CHST9: variants seen among roughly 807,000 people sequenced by gnomAD.
CHST9 encodes GalNAc-4-sulfotransferase 2.
A neutral mutation model predicts 44.4 loss-of-function variants in CHST9; 41 were observed. The ratio of observed to expected loss-of-function variants is 0.92; its 90% CI spans 0.72 to 1.20. CHST9 has a LOEUF of 1.20. Ranked by LOEUF, CHST9 falls within the 50% of genes most tolerant of loss-of-function variation. CHST9 has a pLI of 0.00. For synonymous variants in CHST9, 171 were observed against 178.4 expected, an observed-to-expected ratio of 0.96 and a Z score of 0.33; for missense variants, 504 against 516.5, an observed-to-expected ratio of 0.98 and a Z score of 0.23.
chr18:26,973,357 A>C (rs1366891088), intron 4 of CHST9, among the ~76,000 whole-genome samples: 1 of 152,200 alleles, frequency 6.6e-6, no homozygotes, highest in African/African-American at 2.4e-5. Context: ...TGCATGAAAA[A>C]AATGAATGAG....
At chr18:27,097,161 T>G (rs1474184804) in intron 2 of CHST9, among the ~76,000 whole-genome samples, 1 of 151,998 alleles carries the variant, frequency 6.6e-6, no homozygotes, top group Non-Finnish European at 1.5e-5. Flanking sequence ...AAACAGAATT[T>G]AAAACAAAAA....
At position 27,048,475 on chromosome 18, in the gene CHST9, T is replaced by G; in HGVS notation, c.150A>C (p.Lys50Asn). 5.0e-6 allele frequency: 8 copies of G among 1,608,406 alleles called. No homozygotes were observed. The highest frequency in any genetic ancestry group is 1.7e-4 in the Middle Eastern group (1 of 6,036). Residue 50 changes from lysine to asparagine, a missense_variant, in exon 3 of 6, where the codon AAA becomes AAC. Lys to Asn is a moderately conservative substitution (Grantham distance 94). Transcript: ENST00000618847. ...TGRVEKRREQKVTSGWGPVKY... is the reference protein window; with the variant it reads ...TGRVEKRREQNVTSGWGPVKY... ...TGGACAAAATCTTACCTGAAGTTAC[T>G]TTTTGTTCTCTTCTCTTCTCCACTC...
intron 4 of CHST9, among the ~76,000 whole-genome samples, chr18:27,018,912 C>T (rs185457621): frequency 1.3e-5 from 2 of 152,278 alleles, no homozygotes; most frequent in East Asian, 1.9e-4. Context: ...CTCTAACCTT[C>T]GTGACAACCA....
At chr18:26,974,134 C>G (rs1342177389) in intron 4 of CHST9, among the ~76,000 whole-genome samples, 1 of 152,176 alleles carries the variant, frequency 6.6e-6, no homozygotes, top group Non-Finnish European at 1.5e-5. Flanking sequence ...GAACTATGAC[C>G]TATAACAACT....
intron 1 of CHST9, among the ~76,000 whole-genome samples, chr18:27,150,467 G>A (rs2058650702): frequency 6.6e-6 from 1 of 152,116 alleles, no homozygotes; most frequent in Admixed American, 6.6e-5. Flanking sequence ...CAATCAATGA[G>A]CCTGCCTCCC....
At chr18:27,173,058 A>G (rs1465655748) in intron 1 of CHST9, among the ~76,000 whole-genome samples, 1 of 152,056 alleles carries the variant, frequency 6.6e-6, no homozygotes, top group Non-Finnish European at 1.5e-5. Flanking sequence ...TATTTTAAAC[A>G]TTTATTTTGA....
intron 1 of CHST9, among the ~76,000 whole-genome samples, chr18:27,150,592 CTTGA>C (rs1174689221): frequency 6.6e-6 from 1 of 152,108 alleles, no homozygotes; most frequent in Non-Finnish European, 1.5e-5. Flanking sequence ...TACTTCTGTT[CTTGA>C]TTTTGAGTCC....
rs2055408623 is a variant in CHST9, at chr18:26,909,274, G to T, written c.*6985C>A. On this transcript the variant is annotated 3_prime_UTR_variant, in exon 6 of 6. Transcript: ENST00000618847. ...CACAGTGACAGAATGAAAAGAGCAGGTTGTATTATCATTTATAATCAACCA... is the reference window on the plus strand; with the variant it reads ...CACAGTGACAGAATGAAAAGAGCAGTTTGTATTATCATTTATAATCAACCA... 6.6e-6 allele frequency: 1 copy of T among 152,168 alleles called. No homozygotes were observed. The highest frequency in any genetic ancestry group is 1.5e-5 in the Non-Finnish European group (1 of 68,028). The allele number at this position is 152,168 out of a possible 1,614,324, so 9.4% of individuals were successfully genotyped here. A position where few individuals can be genotyped will look rare whatever the true frequency, so the allele number is the denominator to read the frequency against.
At chr18:27,177,417 T>C (rs1388844214) in intron 1 of CHST9, among the ~76,000 whole-genome samples, 6 of 151,380 alleles carry the variant, frequency 4.0e-5, no homozygotes, top group African/African-American at 1.2e-4. Flanking sequence ...GCTGGACCTA[T>C]AGGTCACCAC....
At chr18:27,102,532 A>G (rs2143755010) in intron 2 of CHST9, among the ~76,000 whole-genome samples, 2 of 152,356 alleles carry the variant, frequency 1.3e-5, no homozygotes, top group Middle Eastern at 6.8e-3. Flanking sequence ...AAATTTTTCT[A>G]TGCACATGTA....
intron 2 of CHST9, among the ~76,000 whole-genome samples, chr18:27,088,457 C>G (rs1348708854): frequency 6.7e-6 from 1 of 150,136 alleles, no homozygotes; most frequent in Non-Finnish European, 1.5e-5. Context: ...TGCAGTGGCG[C>G]GATCTCGGCT....
chr18:26,968,870 A>C (rs1469158425), intron 4 of CHST9, among the ~76,000 whole-genome samples: 1 of 152,200 alleles, frequency 6.6e-6, no homozygotes, highest in Non-Finnish European at 1.5e-5. Flanking sequence ...AGTTTTGCTC[A>C]AAATGTTGAT....
At chr18:26,998,235 T>C (rs2056908157) in intron 4 of CHST9, among the ~76,000 whole-genome samples, 1 of 152,208 alleles carries the variant, frequency 6.6e-6, no homozygotes, top group Non-Finnish European at 1.5e-5. Context: ...CCTATATCGC[T>C]GGATCTCACT....
At chr18:27,043,874 T>G (rs1448312514) in intron 3 of CHST9, among the ~76,000 whole-genome samples, 1 of 152,024 alleles carries the variant, frequency 6.6e-6, no homozygotes, top group African/African-American at 2.4e-5. Context: ...TGCCTACATT[T>G]TGGCCACATC....
At chr18:27,096,809 A>T (rs557389496) in intron 2 of CHST9, among the ~76,000 whole-genome samples, 1 of 152,170 alleles carries the variant, frequency 6.6e-6, no homozygotes, top group South Asian at 2.1e-4. Flanking sequence ...ACGAAAAAAA[A>T]GCCTCAAGCC....
chr18:26,939,184 A>G (rs2056045109), intron 5 of CHST9, among the ~76,000 whole-genome samples: 1 of 152,214 alleles, frequency 6.6e-6, no homozygotes, highest in Non-Finnish European at 1.5e-5. Context: ...GAGAAAATAA[A>G]ATGGGGTCAT....
intron 1 of CHST9, among the ~76,000 whole-genome samples, chr18:27,144,069 GC>G (rs1178176892): frequency 3.9e-5 from 6 of 152,210 alleles, no homozygotes; most frequent in African/African-American, 1.4e-4. Flanking sequence ...CTAGTTAGCA[GC>G]CCGGCTAATG....
At chr18:27,045,079 G>A (rs537747829) in intron 3 of CHST9, among the ~76,000 whole-genome samples, 1 of 150,860 alleles carries the variant, frequency 6.6e-6, no homozygotes, top group African/African-American at 2.4e-5. Flanking sequence ...TCCTCTCTGT[G>A]GGTAGCTTTT....
At chr18:27,079,698 T>A (rs2057942066) in intron 2 of CHST9, among the ~76,000 whole-genome samples, 1 of 152,216 alleles carries the variant, frequency 6.6e-6, no homozygotes, top group Admixed American at 6.5e-5. Context: ...GATGTATTAT[T>A]CTACAGCCCG....
Sources: gnomAD v4.1 joint callset for allele counts (sites outside exome capture counted in the v4.1 genomes callset) on GRCh38, gnomAD v4.1.1 for gene constraint, MANE v1.5 for transcripts, NCBI Gene and HGNC (gene_info 2026-07-23, HGNC 2026-07-21) for gene names.